The following RANBP9 variants were observed in gnomAD, a reference collection of about 807,000 sequenced individuals.
RANBP9 encodes the protein ran-binding protein 9.
RANBP9 carries 15 observed loss-of-function variants against 84.3 expected under a neutral mutation model. The observed-to-expected ratio is 0.18, with a 90% CI of 0.12 to 0.27. RANBP9 has a LOEUF of 0.27. Among genes scored for constraint, RANBP9 ranks in the 10% least tolerant of loss-of-function variants. The pLI, the probability that RANBP9 is intolerant of heterozygous loss-of-function variation, is 1.00. For synonymous variants in RANBP9, 392 were observed against 349.6 expected (o/e 1.12, Z -1.35); for missense variants, 809 against 912.8 (o/e 0.89, Z 1.46).
intron 11 of RANBP9, among the ~76,000 whole-genome samples, chr6:13,634,180 G>C (rs1275864425): frequency 6.6e-6 from 1 of 152,142 alleles, no homozygotes; most frequent in Non-Finnish European, 1.5e-5. Context: ...CAGTACTGCT[G>C]CATTAGTGAC....
chr6:13,666,653 G>A (rs1039514715), intron 2 of RANBP9, among the ~76,000 whole-genome samples: 10 of 142,060 alleles, frequency 7.0e-5, no homozygotes, highest in Admixed American at 4.3e-4. Flanking sequence ...TGCATTGCCT[G>A]TAGTCCCAGC....
rs915189455 is a variant in RANBP9 at position 13,711,567 on chromosome 6, G to A, written c.-62C>T. The A allele has an allele frequency of 6.4e-5, 78 of 1,225,930 alleles. No homozygotes were observed. Among genetic ancestry groups the A allele is most frequent in the African/African-American group, 3.9e-4 (25 of 63,670 alleles). 75.9% of individuals were successfully genotyped at this position (1,225,930 alleles called of 1,614,324 possible). ...TTCTCTCCTTCCTCCTCTGCTTCCCGGGGGCGCTGTCGCTGCGGCCGCCGG... is the reference window on the plus strand; with the variant it reads ...TTCTCTCCTTCCTCCTCTGCTTCCCAGGGGCGCTGTCGCTGCGGCCGCCGG... On this transcript the variant is annotated 5_prime_UTR_variant, in exon 1 of 14. Coordinates refer to ENST00000011619, the MANE Select transcript of RANBP9 (RefSeq NM_005493.3).
intron 4 of RANBP9, among the ~76,000 whole-genome samples, chr6:13,654,749 T>C (rs767848062): frequency 6.6e-6 from 1 of 152,178 alleles, no homozygotes; most frequent in African/African-American, 2.4e-5. Context: ...GCTAATGAAA[T>C]TTTATTTTAA....
chr6:13,686,505 G>A (rs913334654), intron 2 of RANBP9, among the ~76,000 whole-genome samples: 3 of 151,420 alleles, frequency 2.0e-5, no homozygotes, highest in African/African-American at 7.3e-5. Context: ...GGCTGGTCTC[G>A]AACTCCTGAC....
Position 13,691,370 on chromosome 6 carries a change from C to T in RANBP9, c.683+5415G>A, listed in dbSNP as rs116133658. 6.9e-3 allele frequency among the ~76,000 whole-genome samples: 1,045 copies of T among 152,150 alleles called. 14 individuals are homozygous for T. Among genetic ancestry groups the T allele is most frequent in the African/African-American group, 0.024 (982 of 41,508 alleles). On this transcript the variant is annotated intron_variant, in intron 2 of 13. Coordinates refer to ENST00000011619, the MANE Select transcript of RANBP9 (RefSeq NM_005493.3). Reference sequence around the variant, plus strand: ...ATATTCTTTCACTCAATAAAAGGAACTTTCTTCAGGTCTCATTTTCTAGGC... The same window carrying T: ...ATATTCTTTCACTCAATAAAAGGAATTTTCTTCAGGTCTCATTTTCTAGGC...
At chr6:13,654,868 TGACA>T (rs1765365589) in intron 4 of RANBP9, among the ~76,000 whole-genome samples, 1 of 152,208 alleles carries the variant, frequency 6.6e-6, no homozygotes, top group South Asian at 2.1e-4. Context: ...GCTCAGGGGC[TGACA>T]AACAATGATA....
chr6:13,705,868 C>CAAAAAAAAAAAAAAAAAA (rs767070995), intron 1 of RANBP9, among the ~76,000 whole-genome samples: 64 of 76,700 alleles, frequency 8.3e-4, no homozygotes, highest in East Asian at 1.8e-3. Flanking sequence ...GACTCCGTCT[C>CAAAAAAAAAAAAAAAAAA]AAAAAAAAAA....
At chr6:13,625,522 A>G (rs1562294290) in intron 13 of RANBP9, 131 bp downstream of exon 13, 1 of 525,048 alleles carries the variant, frequency 1.9e-6, no homozygotes, top group South Asian at 3.0e-5. Context: ...TATTTTAGGT[A>G]TTTTTATATT....
intron 12 of RANBP9, among the ~76,000 whole-genome samples, chr6:13,632,096 G>A (rs1323114838): frequency 7.7e-6 from 1 of 129,696 alleles, no homozygotes; most frequent in Non-Finnish European, 1.6e-5. Flanking sequence ...ATGTTGATAA[G>A]CACTAGCACT....
rs966494027 is a variant in RANBP9, at chr6:13,711,733, G to A, written c.-228C>T. 2.7e-5 allele frequency among the ~76,000 whole-genome samples: 4 copies of A among 148,528 alleles called. No homozygotes were observed. The highest frequency in any genetic ancestry group is 6.0e-5 in the Non-Finnish European group (4 of 66,790). On this transcript the variant is annotated 5_prime_UTR_variant, in exon 1 of 14. Coordinates refer to ENST00000011619, the MANE Select transcript of RANBP9 (RefSeq NM_005493.3). ...GGAGAGAACGTTGGCCGGAGCGCGG[G>A]CGCGCGGCCCGGGGACGAGGCGCCG...
rs997643098 is a variant in RANBP9 at position 13,634,292 on chromosome 6, C to T, written c.1795+139G>A. The stretch of plus-strand genomic sequence containing the variant: ...GCCCACTCAAACAAGAGTTTAAGTG[C>T]TATGCATTACTGTCAAGTCCTACAG... On this transcript the variant is annotated intron_variant, in intron 11 of 13. Transcript: ENST00000011619. The T allele has an allele frequency of 1.5e-5, 15 of 993,846 alleles. No homozygotes were observed. In the African/African-American group the frequency reaches 2.5e-4, roughly 16 times the overall value. The allele number at this position is 993,846 out of a possible 1,614,324, so 61.6% of individuals were successfully genotyped here. A position where few individuals can be genotyped will look rare whatever the true frequency, so the allele number is the denominator to read the frequency against.
At chr6:13,632,082 C>T (rs944870525) in intron 12 of RANBP9, among the ~76,000 whole-genome samples, 2 of 130,886 alleles carry the variant, frequency 1.5e-5, no homozygotes, top group Admixed American at 1.7e-4. Flanking sequence ...AACGAGGACA[C>T]ACAATGTTGA....
At chr6:13,673,483 A>G (rs1765819123) in intron 2 of RANBP9, among the ~76,000 whole-genome samples, 1 of 152,210 alleles carries the variant, frequency 6.6e-6, no homozygotes, top group African/African-American at 2.4e-5. Context: ...GAATAAATGA[A>G]GATACACTCT....
intron 7 of RANBP9, 71 bp from the exon 8 acceptor site, chr6:13,641,378 AAAAG>A (rs1413307026): frequency 1.4e-5 from 12 of 873,626 alleles, no homozygotes; most frequent in Non-Finnish European, 2.0e-5. Context: ...GTGACCTCAG[AAAAG>A]AAAGTTAGTA....
At chr6:13,687,412 C>T (rs1016307441) in intron 2 of RANBP9, among the ~76,000 whole-genome samples, 4 of 151,746 alleles carry the variant, frequency 2.6e-5, no homozygotes, top group African/African-American at 9.7e-5. Flanking sequence ...CCCTTGAGCC[C>T]AGGAATTTGA....
In RANBP9 at chr6:13,657,063, A is replaced by T. The variant is rs776545389; in HGVS notation, c.904+46T>A. Reference sequence around the variant, plus strand: ...ACAACTACCATCCTGGAAGTATAATAATCTCCATATTTGGTTATTTTGCAT... The same window carrying T: ...ACAACTACCATCCTGGAAGTATAATTATCTCCATATTTGGTTATTTTGCAT... On this transcript the variant is annotated intron_variant, in intron 4 of 13. Transcript: ENST00000011619. 4.7e-6 allele frequency: 7 copies of T among 1,483,424 alleles called. No homozygotes were observed. The Admixed American group carries it at 5.7e-5, about 12-fold the overall frequency. 91.9% of individuals were successfully genotyped at this position (1,483,424 alleles called of 1,614,324 possible).
chr6:13,661,027 A>G (rs534241265), intron 2 of RANBP9, among the ~76,000 whole-genome samples: 116 of 152,336 alleles, frequency 7.6e-4, no homozygotes, highest in African/African-American at 2.7e-3. Flanking sequence ...TGGGTAAACA[A>G]GGACTAAAAA....
chr6:13,624,320 G>T (rs962733936), intron 13 of RANBP9, among the ~76,000 whole-genome samples: 4 of 152,150 alleles, frequency 2.6e-5, no homozygotes, highest in Admixed American at 6.5e-5. Flanking sequence ...GGCCCTCATT[G>T]CAAGTCTCCC....
chr6:13,671,446 G>A (rs1183948613), intron 2 of RANBP9, among the ~76,000 whole-genome samples: 1 of 152,018 alleles, frequency 6.6e-6, no homozygotes, highest in African/African-American at 2.4e-5. Context: ...TATTAATTTG[G>A]CAACAAAAAG....
Sources: gnomAD v4.1 joint callset for allele counts (sites outside exome capture counted in the v4.1 genomes callset) on GRCh38, gnomAD v4.1.1 for gene constraint, MANE v1.5 for transcripts, NCBI Gene and HGNC (gene_info 2026-07-23, HGNC 2026-07-21) for gene names.